PCLO: variants seen among roughly 807,000 people sequenced by gnomAD.
PCLO encodes the protein piccolo presynaptic cytomatrix protein.
In PCLO, 82 loss-of-function variants were observed where a neutral mutation model predicts 427.5. The ratio of observed to expected loss-of-function variants is 0.19; its 90% CI spans 0.16 to 0.23. The LOEUF (loss-of-function observed/expected upper bound fraction) is 0.23. Ranked by LOEUF, PCLO falls within the 10% of genes least tolerant of loss-of-function variation. The pLI is 1.00. For synonymous variants in PCLO, 2,357 were observed against 2,155.4 expected, an observed-to-expected ratio of 1.09 and a Z score of -2.59; for missense variants, 6,239 against 6,115.9, an observed-to-expected ratio of 1.02 and a Z score of -0.67.
chr7:82,820,526 T>G (rs2115629933), intron 20 of PCLO: 1 of 1,224,004 alleles, frequency 8.2e-7, no homozygotes, highest in Non-Finnish European at 1.0e-6. Flanking sequence ...CACTTGGAGA[T>G]TCACATGCCC....
At chr7:83,095,837 A>C (rs1790520955) in intron 3 of PCLO, among the ~76,000 whole-genome samples, 1 of 151,980 alleles carries the variant, frequency 6.6e-6, no homozygotes, top group Non-Finnish European at 1.5e-5. Context: ...TTGTTTTATG[A>C]TGTATGATAT....
At chr7:83,059,776 C>A (rs1405706779) in intron 3 of PCLO, among the ~76,000 whole-genome samples, 1 of 151,968 alleles carries the variant, frequency 6.6e-6, no homozygotes, top group African/African-American at 2.4e-5. Context: ...AGAGAGCAAC[C>A]AAGGTTTCCC....
In PCLO at chr7:83,096,187, C is replaced by T. The variant is rs191740541; in HGVS notation, c.3300+38063G>A. Among the ~76,000 whole-genome samples the T allele has an allele frequency of 4.2e-4, 64 of 152,190 alleles. 1 individual carries two copies. The East Asian group carries it at 0.011, about 27-fold the overall frequency. Reference sequence around the variant, plus strand: ...GTGTTTTTCTAACGTGTTCTTCACACTACTGCTTTTGAAACATTTGCCTAG... The same window carrying T: ...GTGTTTTTCTAACGTGTTCTTCACATTACTGCTTTTGAAACATTTGCCTAG... On this transcript the variant is annotated intron_variant, in intron 3 of 24. Transcript: ENST00000333891.
chr7:82,880,722 G>T (rs1482665498), intron 9 of PCLO, among the ~76,000 whole-genome samples: 1 of 152,150 alleles, frequency 6.6e-6, no homozygotes, highest in Non-Finnish European at 1.5e-5. Context: ...AGGCCAAAAT[G>T]TCAACAGAGC....
Position 82,759,718 on chromosome 7 carries a change from T to C in PCLO, c.15288+921A>G, listed in dbSNP as rs1790390710. ...TTCAAACCTTTAATTTCCTGTACCATGGTCTCTTCCTATATTTTTTTCTCT... is the reference window on the plus strand; with the variant it reads ...TTCAAACCTTTAATTTCCTGTACCACGGTCTCTTCCTATATTTTTTTCTCT... On this transcript the variant is annotated intron_variant, in intron 24 of 24. Transcript: ENST00000333891. Among the ~76,000 whole-genome samples, 3 of 152,100 alleles carry C rather than the reference T, an allele frequency of 2.0e-5. No homozygotes were observed. In the South Asian group the frequency reaches 6.2e-4, roughly 32 times the overall value.
intron 2 of PCLO, among the ~76,000 whole-genome samples, chr7:83,136,068 A>C (rs1791720243): frequency 1.3e-5 from 2 of 151,978 alleles, no homozygotes; most frequent in South Asian, 4.1e-4. Flanking sequence ...ATTGCACTCC[A>C]ACCTGGGTGA....
At chr7:82,869,242 T>C (rs1003323774) in intron 10 of PCLO, among the ~76,000 whole-genome samples, 6 of 152,136 alleles carry the variant, frequency 3.9e-5, no homozygotes, top group South Asian at 2.1e-4. Flanking sequence ...GATAAAACCA[T>C]ATAATATTGT....
chr7:83,105,496 TAAACA>T (rs1262305896), intron 3 of PCLO, among the ~76,000 whole-genome samples: 4 of 125,172 alleles, frequency 3.2e-5, no homozygotes, highest in South Asian at 2.5e-4. Flanking sequence ...ATGAGAAACT[TAAACA>T]AAACAAAACA....
Position 83,056,215 on chromosome 7 carries a change from AT to A in PCLO, c.3300+78034del, listed in dbSNP as rs564251962. 1.2e-3 allele frequency among the ~76,000 whole-genome samples: 187 copies of A among 152,202 alleles called. 1 individual carries two copies. Among genetic ancestry groups the A allele is most frequent in the Non-Finnish European group, 2.3e-3 (157 of 68,006 alleles). On this transcript the variant is annotated intron_variant, in intron 3 of 24. Coordinates refer to ENST00000333891, the MANE Select transcript of PCLO (RefSeq NM_033026.6). ...ACTAGATATTAGTAATTATGCTTAG[AT>A]TTTTACAACTCATTTTGAGATCCTT...
At chr7:82,946,475 A>G (rs1276950327) in intron 6 of PCLO, among the ~76,000 whole-genome samples, 2 of 152,234 alleles carry the variant, frequency 1.3e-5, no homozygotes, top group South Asian at 2.1e-4. Flanking sequence ...GCAGAAATAG[A>G]GATTTATAGT....
At chr7:83,101,834 C>A (rs947204803) in intron 3 of PCLO, among the ~76,000 whole-genome samples, 2 of 152,090 alleles carry the variant, frequency 1.3e-5, no homozygotes, top group Non-Finnish European at 2.9e-5. Flanking sequence ...ATTCTGAAAT[C>A]TAACATTTCT....
chr7:82,916,337 A>G lies in PCLO; in HGVS notation c.11649T>C (p.Ser3883=), dbSNP rs1286410774. 6.2e-7 allele frequency: 1 copy of G among 1,613,524 alleles called. No individual in the cohort carries two copies. Residue 3883 remains serine, a synonymous_variant, in exon 7 of 25, where the codon AGT becomes AGC. Transcript: ENST00000333891. ...AAGAGTACTGGTATTGTGTGTAAGG[A>G]CTTGTCGGAGGAACTAGTTGAGATT... The part of the protein sequence containing the change: ...QTESQLVPPT[S]PYTQYQYSSP...
chr7:83,138,915 TG>T (rs1791796497), intron 2 of PCLO, among the ~76,000 whole-genome samples: 1 of 151,866 alleles, frequency 6.6e-6, no homozygotes, highest in African/African-American at 2.4e-5. Flanking sequence ...CCATGGCACG[TG>T]TATATCTATG....
rs1231577910 is a variant in PCLO at position 82,820,536 on chromosome 7, C to T, written c.14791+1959G>A. The T allele has an allele frequency of 3.3e-6, 4 of 1,224,210 alleles. No individual in the cohort carries two copies. The African/African-American group carries it at 6.2e-5, about 19-fold the overall frequency. The allele number at this position is 1,224,210 out of a possible 1,614,324, so 75.8% of individuals were successfully genotyped here. On this transcript the variant is annotated intron_variant, in intron 20 of 24. Coordinates refer to ENST00000333891, the MANE Select transcript of PCLO (RefSeq NM_033026.6). ...ACAGGCACTTGGAGATTCACATGCCCAACACATCTGATACACTTAACAACT... is the reference window on the plus strand; with the variant it reads ...ACAGGCACTTGGAGATTCACATGCCTAACACATCTGATACACTTAACAACT...
chr7:83,124,637 T>C (rs1482908669), intron 3 of PCLO, among the ~76,000 whole-genome samples: 1 of 152,182 alleles, frequency 6.6e-6, no homozygotes, highest in Non-Finnish European at 1.5e-5. Context: ...AGAACTACTA[T>C]ACGATCCAGC....
At chr7:83,122,598 T>C (rs1791317124) in intron 3 of PCLO, among the ~76,000 whole-genome samples, 1 of 152,152 alleles carries the variant, frequency 6.6e-6, no homozygotes, top group Non-Finnish European at 1.5e-5. Flanking sequence ...GGATGCCCAC[T>C]TTCACCACTG....
chr7:82,803,775 A>G (rs894756166), intron 21 of PCLO, among the ~76,000 whole-genome samples: 9 of 152,182 alleles, frequency 5.9e-5, no homozygotes, highest in East Asian at 1.9e-4. Flanking sequence ...GATATAAAAG[A>G]ACTGCCAAAT....
At chr7:83,005,218 T>C (rs1787917858) in intron 3 of PCLO, among the ~76,000 whole-genome samples, 1 of 151,686 alleles carries the variant, frequency 6.6e-6, no homozygotes, top group South Asian at 2.1e-4. Flanking sequence ...TTATATACAA[T>C]GGAATATCAT....
chr7:82,941,617 A>G (rs948948400), intron 6 of PCLO, among the ~76,000 whole-genome samples: 1 of 151,424 alleles, frequency 6.6e-6, no homozygotes, highest in Non-Finnish European at 1.5e-5. Context: ...ATATTTTATT[A>G]GTTATGAGAC....
Sources: allele counts gnomAD v4.1 joint callset (sites outside exome capture counted in the v4.1 genomes callset), GRCh38; gene constraint gnomAD v4.1.1; transcripts MANE v1.5; gene names NCBI Gene and HGNC (gene_info 2026-07-23, HGNC 2026-07-21).